SEPTIN8: variants seen among roughly 807,000 people sequenced by gnomAD.
The protein encoded by SEPTIN8 is septin 8.
A neutral mutation model predicts 53.1 loss-of-function variants in SEPTIN8; 22 were observed. That is an observed-to-expected ratio of 0.41 (90% CI 0.30 to 0.59). The LOEUF (loss-of-function observed/expected upper bound fraction) is 0.59. Among genes scored for constraint, SEPTIN8 ranks in the 20% least tolerant of loss-of-function variants. The pLI, the probability that SEPTIN8 is intolerant of heterozygous loss-of-function variation, is 0.24. For missense variants in SEPTIN8, 536 were observed against 638.7 expected, an observed-to-expected ratio of 0.84 and a Z score of 1.73; for synonymous variants, 228 against 248.4, an observed-to-expected ratio of 0.92 and a Z score of 0.77.
chr5:132,756,635 A>C (rs1755366488), intron 9 of SEPTIN8: 2 of 985,368 alleles, frequency 2.0e-6, no homozygotes, highest in Admixed American at 1.2e-4. Flanking sequence ...TTCCAAACAC[A>C]AACAGCAGGG....
rs746207977 is a variant in SEPTIN8 at position 132,761,434 on chromosome 5, GCT to G, written c.962+22_962+23del. 1 of 1,600,298 alleles carries G rather than the reference GCT, an allele frequency of 6.2e-7. No individual in the cohort carries two copies. Among genetic ancestry groups the G allele is most frequent in the East Asian group, 2.2e-5 (1 of 44,766 alleles). ...TGTCTGGCCACAGCTGTGAAGACAGGCTCACTCTGGCTCAGGCTGTCACCTGA... is the reference window on the plus strand; with the variant it reads ...TGTCTGGCCACAGCTGTGAAGACAGGCACTCTGGCTCAGGCTGTCACCTGA... On this transcript the variant is annotated intron_variant, in intron 7 of 9. Transcript: ENST00000378719. The surrounding 1 kb of genome is among the most constrained non-coding windows in gnomAD (Gnocchi z 5.8).
chr5:132,764,166 G>A, intron 3 of SEPTIN8, 58 bp downstream of exon 3: 1 of 1,536,930 alleles, frequency 6.5e-7, no homozygotes, highest in Non-Finnish European at 8.8e-7. Context: ...ACTGTTATAG[G>A]GGCCAATGTA....
intron 1 of SEPTIN8, among the ~76,000 whole-genome samples, chr5:132,769,634 C>G (rs1756966024): frequency 6.6e-6 from 1 of 152,074 alleles, no homozygotes; most frequent in Non-Finnish European, 1.5e-5. Flanking sequence ...AGCAGCCTCC[C>G]CATTGTCTAG....
chr5:132,762,616 A>C lies in SEPTIN8; in HGVS notation c.564T>G (p.Ala188=), dbSNP rs73787071. The part of the protein sequence containing the change: ...KVNIIPIIAK[A]DTISKSELHK... ...GGAGCTCGCTCTTGGAGATGGTGTC[A>C]GCCTTGGCGATGATGGGAATAATGT... Residue 188 remains alanine (A), a synonymous_variant, in exon 5 of 10, where the codon GCT becomes GCG. Transcript: ENST00000378719. The C allele has an allele frequency of 1.1e-3, 1,709 of 1,614,250 alleles. 24 individuals are homozygous for C. In the African/African-American group the frequency reaches 0.02, roughly 19 times the overall value.
In SEPTIN8 at chr5:132,760,829, G is replaced by A. The variant is rs770251513; in HGVS notation, c.1259C>T (p.Pro420Leu). ...SQALHATSQQ[P>L]LRKDKDKKNR... ...CTTCTTGTCCTTGTCCTTCCTCAGGGGCTGCTGCGAGGTGGCGTGCAAGGC... is the reference window on the plus strand; with the variant it reads ...CTTCTTGTCCTTGTCCTTCCTCAGGAGCTGCTGCGAGGTGGCGTGCAAGGC... The change falls in exon 9 of 10, where the codon CCC becomes CTC. Residue 420 changes from proline (P) to leucine (L), a missense_variant. Transcript: ENST00000378719. This position sits in a 1 kb window ranked among gnomAD's most constrained non-coding sequence, Gnocchi z 5.2. 6.8e-6 allele frequency: 11 copies of A among 1,613,728 alleles called. No homozygotes were observed. Among genetic ancestry groups the A allele is most frequent in the African/African-American group, 1.3e-5 (1 of 74,944 alleles).
In SEPTIN8 at chr5:132,761,939, G is replaced by A; in HGVS notation, c.697-43C>T. On this transcript the variant is annotated intron_variant, in intron 5 of 9. Coordinates refer to ENST00000378719, the MANE Select transcript of SEPTIN8 (RefSeq NM_001098811.2). The surrounding 1 kb of genome is among the most constrained non-coding windows in gnomAD (Gnocchi z 5.8). ...TATGCGTAAGCCCTGAGCTGACACAGACTAATGGCAGACTCTCCCTCCCTG... is the reference window on the plus strand; with the variant it reads ...TATGCGTAAGCCCTGAGCTGACACAAACTAATGGCAGACTCTCCCTCCCTG... The A allele has an allele frequency of 6.6e-7, 1 of 1,514,208 alleles. No individual in the cohort carries two copies. The allele number at this position is 1,514,208 out of a possible 1,614,324, so 93.8% of individuals were successfully genotyped here.
intron 1 of SEPTIN8, among the ~76,000 whole-genome samples, chr5:132,771,697 A>G (rs1039266281): frequency 1.3e-5 from 2 of 152,190 alleles, no homozygotes; most frequent in Non-Finnish European, 2.9e-5. Flanking sequence ...TGGGCCTTAA[A>G]TAGCCAGAGC....
chr5:132,752,271 T>TCAG, intron 9 of SEPTIN8, 90 bp from the exon 10 acceptor site: 2 of 1,450,956 alleles, frequency 1.4e-6, no homozygotes, highest in Non-Finnish European at 1.9e-6. Context: ...CCCAAAGGGG[T>TCAG]ACCCTTTGCC....
chr5:132,761,642 C>T lies in SEPTIN8; in HGVS notation c.794-16G>A, dbSNP rs1300601487. 5.6e-6 allele frequency: 9 copies of T among 1,612,298 alleles called. No homozygotes were observed. The highest frequency in any genetic ancestry group is 2.2e-5 in the East Asian group (1 of 44,894). ...TCATTCTCCACTGAAAGCAGAGGGCCGGTGGGGTATCAGGCAGGCATGCAG... is the reference window on the plus strand; with the variant it reads ...TCATTCTCCACTGAAAGCAGAGGGCTGGTGGGGTATCAGGCAGGCATGCAG... On this transcript the variant is annotated splice_polypyrimidine_tract_variant and intron_variant, in intron 6 of 9. Coordinates refer to ENST00000378719, the MANE Select transcript of SEPTIN8 (RefSeq NM_001098811.2). The surrounding 1 kb of genome is among the most constrained non-coding windows in gnomAD (Gnocchi z 5.8).
At chr5:132,771,474 C>T (rs1250659739) in intron 1 of SEPTIN8, among the ~76,000 whole-genome samples, 3 of 152,170 alleles carry the variant, frequency 2.0e-5, no homozygotes, top group Non-Finnish European at 2.9e-5. Flanking sequence ...GGATGCTTTT[C>T]TTCCTCTGGG....
chr5:132,770,022 T>TAC (rs1300625919), intron 1 of SEPTIN8, among the ~76,000 whole-genome samples: 18 of 34,996 alleles, frequency 5.1e-4, no homozygotes, highest in African/African-American at 8.9e-4. Context: ...TATATATATA[T>TAC]ACACACACAT....
upstream of SEPTIN8, among the ~76,000 whole-genome samples, chr5:132,778,974 A>G (rs1757984938): frequency 6.6e-6 from 1 of 152,176 alleles, no homozygotes; most frequent in African/African-American, 2.4e-5. Context: ...CTAGCCCTAA[A>G]TTATCTTCAA....
At chr5:132,765,672 G>T in intron 1 of SEPTIN8, 143 bp from the exon 2 acceptor site, 1 of 1,064,476 alleles carries the variant, frequency 9.4e-7, no homozygotes, top group Non-Finnish European at 1.3e-6. Context: ...CACACCCTGA[G>T]TACACCCGAG....
chr5:132,755,875 A>C, intron 9 of SEPTIN8: 1 of 737,360 alleles, frequency 1.4e-6, no homozygotes, highest in Non-Finnish European at 1.6e-6. Context: ...CAATTCCTAC[A>C]GAAGTAGATC....
Position 132,751,602 on chromosome 5 carries a change from G to A in SEPTIN8, c.*414C>T, listed in dbSNP as rs542443175. On this transcript the variant is annotated 3_prime_UTR_variant, in exon 10 of 10. Transcript: ENST00000378719. ...TGTTTCATTACGAAAACTGGCCACC[G>A]TTGCCAAGTTGCAGAGTTTCGTCTT... The A allele has an allele frequency of 1.6e-4, 49 of 301,390 alleles. No homozygotes were observed. In the South Asian group the frequency reaches 2.6e-3, roughly 16 times the overall value. The allele number at this position is 301,390 out of a possible 1,614,324, so 18.7% of individuals were successfully genotyped here.
chr5:132,767,579 G>A (rs256875), intron 1 of SEPTIN8, among the ~76,000 whole-genome samples: 54,201 of 151,838 alleles, frequency 0.36, 16,240 homozygotes, highest in African/African-American at 0.79. Flanking sequence ...CAGGTTTTCT[G>A]TTCTTCCTTC....
intron 1 of SEPTIN8, among the ~76,000 whole-genome samples, chr5:132,768,713 T>A (rs1385748140): frequency 1.3e-5 from 2 of 152,324 alleles, no homozygotes; most frequent in East Asian, 3.9e-4. Context: ...TCGGTGCAAG[T>A]ACAGGCAAGT....
In SEPTIN8 at chr5:132,765,467, G is replaced by A. The variant is rs543799922; in HGVS notation, c.93C>T (p.Pro31=). ...LGGHVGFDSL[P]DQLVSKSVTQ... is the part of the protein sequence containing the mutation. Reference sequence around the variant, plus strand: ...TGACCGACTTGCTGACCAGCTGGTCGGGGAGGCTGTCGAAACCCACATGGC... The same window carrying A: ...TGACCGACTTGCTGACCAGCTGGTCAGGGAGGCTGTCGAAACCCACATGGC... Residue 31 remains proline (P), a synonymous_variant, in exon 2 of 10, where the codon CCC becomes CCT. Coordinates refer to ENST00000378719, the MANE Select transcript of SEPTIN8 (RefSeq NM_001098811.2). 7 of 1,613,496 alleles carry A rather than the reference G, an allele frequency of 4.3e-6. No homozygotes were observed. The highest frequency in any genetic ancestry group is 3.3e-5 in the South Asian group (3 of 91,050).
At chr5:132,766,936 T>C (rs1756662364) in intron 1 of SEPTIN8, among the ~76,000 whole-genome samples, 3 of 152,210 alleles carry the variant, frequency 2.0e-5, no homozygotes, top group African/African-American at 7.2e-5. Context: ...GCACAACTGA[T>C]GTCTACCTCC....
Sources: gnomAD v4.1 joint callset for allele counts (sites outside exome capture counted in the v4.1 genomes callset) on GRCh38, gnomAD v4.1.1 for gene constraint, Gnocchi (gnomAD v3.1) non-coding constraint, MANE v1.5 for transcripts, NCBI Gene and HGNC (gene_info 2026-07-23, HGNC 2026-07-21) for gene names.